Variants in APBA2 observed in about 807,000 individuals in gnomAD.
APBA2 encodes the protein amyloid beta precursor protein binding family A member 2, also known as amyloid-beta A4 precursor protein-binding family A member 2.
A neutral mutation model predicts 75.0 loss-of-function variants in APBA2; 30 were observed. That is an observed-to-expected ratio of 0.40 (90% confidence interval 0.30 to 0.54). The LOEUF is 0.54. Among genes scored for constraint, APBA2 ranks in the 20% least tolerant of loss-of-function variants. APBA2 has a pLI of 0.49. For missense variants in APBA2, 801 were observed against 1,016.1 expected (o/e 0.79, Z 2.88); for synonymous variants, 444 against 409.6 (o/e 1.08, Z -1.01).
At chr15:29,094,256 C>T in intron 7 of APBA2, 22 bp from the exon 8 acceptor site, 1 of 1,614,160 alleles carries the variant, frequency 6.2e-7, no homozygotes, top group Non-Finnish European at 8.5e-7. Flanking sequence ...ACTTGTTTTT[C>T]TTTTCTCTTC....
rs1485688438 is a variant in APBA2 at position 29,075,273 on chromosome 15, G to T, written c.1032+272G>T. 3.9e-5 allele frequency among the ~76,000 whole-genome samples: 6 copies of T among 152,218 alleles called. No individual in the cohort carries two copies. In the East Asian group the frequency reaches 1.2e-3, roughly 29 times the overall value. Reference sequence around the variant, plus strand: ...TTGCAGATGGTGTGTGTGTGGGGGTGGGGGACCATTGGTACTACTTAATTT... The same window carrying T: ...TTGCAGATGGTGTGTGTGTGGGGGTTGGGGACCATTGGTACTACTTAATTT... On this transcript the variant is annotated intron_variant, in intron 5 of 14. Coordinates refer to ENST00000683413, the MANE Select transcript of APBA2 (RefSeq NM_001353788.2).
At chr15:28,951,806 C>T (rs1032205838) in intron 2 of APBA2, among the ~76,000 whole-genome samples, 1 of 147,784 alleles carries the variant, frequency 6.8e-6, no homozygotes, top group Admixed American at 6.7e-5. Flanking sequence ...TGGTCTTGAT[C>T]TCTTGACCTC....
intron 2 of APBA2, among the ~76,000 whole-genome samples, chr15:28,962,028 T>A (rs750694329): frequency 2.6e-5 from 4 of 152,148 alleles, no homozygotes; most frequent in Non-Finnish European, 5.9e-5. Context: ...TTGAAGATGA[T>A]GAATTTGTTT....
chr15:29,037,457 C>T (rs566014973), intron 3 of APBA2, among the ~76,000 whole-genome samples: 16 of 152,268 alleles, frequency 1.1e-4, no homozygotes, highest in African/African-American at 3.9e-4. Flanking sequence ...GGTTGCCCAT[C>T]ACCATGGCCA....
In APBA2 at chr15:28,941,570, A is replaced by G. The variant is rs188829253; in HGVS notation, c.-95+19821A>G. Among the ~76,000 whole-genome samples the G allele has an allele frequency of 1.5e-3, 227 of 151,410 alleles. 1 individual carries two copies. Among genetic ancestry groups the G allele is most frequent in the African/African-American group, 5.1e-3 (212 of 41,310 alleles). On this transcript the variant is annotated intron_variant, in intron 2 of 14. Coordinates refer to ENST00000683413, the MANE Select transcript of APBA2 (RefSeq NM_001353788.2). ...CGGTTAAAGGGGACATAAAAGGCAC[A>G]CATAGTGTGTGTGTAGGGACATGTG...
chr15:29,092,154 C>T (rs1032042547), intron 6 of APBA2, among the ~76,000 whole-genome samples: 9 of 152,298 alleles, frequency 5.9e-5, no homozygotes, highest in South Asian at 4.1e-4. Context: ...ATACTGTCTA[C>T]GGCTACCTTT....
At chr15:28,963,502 A>G (rs1456002215) in intron 2 of APBA2, among the ~76,000 whole-genome samples, 1 of 152,224 alleles carries the variant, frequency 6.6e-6, no homozygotes, top group African/African-American at 2.4e-5. Flanking sequence ...CCACACAGCT[A>G]ACAGGTGCCA....
chr15:28,999,079 C>T (rs1185174650), intron 3 of APBA2, among the ~76,000 whole-genome samples: 4 of 150,054 alleles, frequency 2.7e-5, no homozygotes, highest in Non-Finnish European at 5.9e-5. Flanking sequence ...ACCTGGGGGG[C>T]GGAGGTTGCA....
intron 2 of APBA2, among the ~76,000 whole-genome samples, chr15:28,973,784 G>C (rs1454861604): frequency 1.3e-5 from 2 of 152,168 alleles, no homozygotes; most frequent in African/African-American, 4.8e-5. Context: ...AAGAGGAACA[G>C]AGAATCAGCT....
intron 3 of APBA2, among the ~76,000 whole-genome samples, chr15:29,001,692 C>G (rs1436147805): frequency 1.3e-5 from 2 of 152,218 alleles, no homozygotes; most frequent in African/African-American, 2.4e-5. Flanking sequence ...CTGGCTGTTA[C>G]TATTTGCTTG....
intron 2 of APBA2, among the ~76,000 whole-genome samples, chr15:28,950,240 A>G (rs945756077): frequency 6.6e-6 from 1 of 152,192 alleles, no homozygotes; most frequent in Admixed American, 6.5e-5. Flanking sequence ...TTCAACATAC[A>G]TCAATGTTGC....
At chr15:29,070,087 ATAGGGTACCCAG>A (rs2042552289) in intron 4 of APBA2, among the ~76,000 whole-genome samples, 1 of 152,194 alleles carries the variant, frequency 6.6e-6, no homozygotes, top group Non-Finnish European at 1.5e-5. Context: ...AAATAACAGT[ATAGGGTACCCAG>A]TTACATTCGA....
intron 2 of APBA2, among the ~76,000 whole-genome samples, chr15:28,977,641 G>A (rs1045259836): frequency 6.6e-6 from 1 of 152,130 alleles, no homozygotes; most frequent in Non-Finnish European, 1.5e-5. Flanking sequence ...GTTCCTCTGG[G>A]TGACCTCTGT....
intron 11 of APBA2, 122 bp from the exon 12 acceptor site, chr15:29,106,485 C>A: frequency 1.8e-6 from 2 of 1,141,832 alleles, no homozygotes; most frequent in African/African-American, 1.5e-5. Flanking sequence ...GATGAGCCAG[C>A]CTTGGATCCC....
At chr15:28,951,149 C>T (rs549387728) in intron 2 of APBA2, among the ~76,000 whole-genome samples, 65 of 152,150 alleles carry the variant, frequency 4.3e-4, no homozygotes, top group African/African-American at 1.1e-3. Flanking sequence ...AGTATAACAA[C>T]GATTTATATA....
At chr15:28,896,296 T>C (rs1222566012) in intron 1 of APBA2, among the ~76,000 whole-genome samples, 2 of 152,136 alleles carry the variant, frequency 1.3e-5, no homozygotes, top group Non-Finnish European at 1.5e-5. Flanking sequence ...CTCTTCTCTT[T>C]TGAGACAGAG....
intron 6 of APBA2, among the ~76,000 whole-genome samples, chr15:29,089,233 C>T (rs2043436501): frequency 6.6e-6 from 1 of 152,218 alleles, no homozygotes; most frequent in Admixed American, 6.5e-5. Context: ...CACCTGAACT[C>T]ATGACAGTGA....
At chr15:29,094,163 C>A in intron 7 of APBA2, 115 bp from the exon 8 acceptor site, 1 of 1,137,694 alleles carries the variant, frequency 8.8e-7, no homozygotes, top group Non-Finnish European at 1.3e-6. Flanking sequence ...CCCTGCTGGG[C>A]TTTGCTAGGC....
intron 8 of APBA2, among the ~76,000 whole-genome samples, chr15:29,096,773 T>C (rs1465993088): frequency 6.6e-6 from 1 of 152,274 alleles, no homozygotes; most frequent in Non-Finnish European, 1.5e-5. Context: ...TCATAGTTTT[T>C]GCTGTTTCGA....
Sources: allele counts gnomAD v4.1 joint callset (sites outside exome capture counted in the v4.1 genomes callset), GRCh38; gene constraint gnomAD v4.1.1; transcripts MANE v1.5; gene names NCBI Gene and HGNC (gene_info 2026-07-23, HGNC 2026-07-21).